The following SNAPC1 variants were observed in gnomAD, a reference collection of about 807,000 sequenced individuals.
The protein encoded by SNAPC1 is snRNA-activating protein complex subunit 1.
Under a neutral mutation model 50.1 loss-of-function variants are expected in SNAPC1, and 42 were observed. The observed-to-expected ratio is 0.84, with a 90% CI of 0.65 to 1.08. SNAPC1 has a LOEUF of 1.08. SNAPC1 is among the 50% of genes least tolerant of loss of function. The pLI is 0.00. For synonymous variants in SNAPC1, 164 were observed against 144.2 expected (o/e 1.14, Z -0.98); for missense variants, 477 against 427.3 (o/e 1.12, Z -1.02).
chr14:61,787,743 A>T (rs547562685), intron 8 of SNAPC1, among the ~76,000 whole-genome samples: 1 of 152,366 alleles, frequency 6.6e-6, no homozygotes, highest in Non-Finnish European at 1.5e-5. Context: ...TTGTCTACCT[A>T]TTAAGCTAGA....
chr14:61,790,370 C>G (rs1020686844), intron 8 of SNAPC1, among the ~76,000 whole-genome samples: 1 of 152,164 alleles, frequency 6.6e-6, no homozygotes, highest in Non-Finnish European at 1.5e-5. Context: ...GAGTGTTGCT[C>G]TGTCACCCAG....
At chr14:61,794,078 A>G (rs2045171456) in intron 9 of SNAPC1, among the ~76,000 whole-genome samples, 1 of 152,050 alleles carries the variant, frequency 6.6e-6, no homozygotes, top group South Asian at 2.1e-4. Context: ...CAATTATTCG[A>G]GTGTTGGTTC....
intron 9 of SNAPC1, 63 bp from the exon 10 acceptor site, chr14:61,794,885 GT>G (rs910465455): frequency 8.8e-6 from 10 of 1,132,118 alleles, no homozygotes; most frequent in East Asian, 2.4e-5. Context: ...AGTGTCAGTT[GT>G]TTTTTTTGTT....
At position 61,795,063 on chromosome 14, in the gene SNAPC1, A is replaced by G. The variant is rs2045179243; in HGVS notation, c.*80A>G. ...GATATTTTGTGTATTGAACAGGAAG[A>G]CTGCCAGTATTAAAAAAATCCTTCT... On this transcript the variant is annotated 3_prime_UTR_variant, in exon 10 of 10. Coordinates refer to ENST00000216294, the MANE Select transcript of SNAPC1 (RefSeq NM_003082.4). 5.7e-6 allele frequency: 5 copies of G among 873,968 alleles called. No homozygotes were observed. The South Asian group carries it at 7.0e-5, about 12-fold the overall frequency. 54.1% of individuals were successfully genotyped at this position (873,968 alleles called of 1,614,324 possible). A position where few individuals can be genotyped will look rare whatever the true frequency, so the allele number is the denominator to read the frequency against.
At chr14:61,782,494 A>G in intron 8 of SNAPC1, 97 bp downstream of exon 8, 1 of 842,810 alleles carries the variant, frequency 1.2e-6, no homozygotes, top group South Asian at 2.2e-5. Flanking sequence ...AGGATTAGAT[A>G]CTTGTTTGAG....
chr14:61,767,469 C>CTT (rs372976345), intron 3 of SNAPC1, 117 bp downstream of exon 3: 120 of 453,310 alleles, frequency 2.6e-4, no homozygotes, highest in Middle Eastern at 6.5e-4. Context: ...AGACTTTTAG[C>CTT]TTTTTTTTTT....
At chr14:61,775,588 T>TGAAGCAATGGG (rs1315964051) in intron 4 of SNAPC1, among the ~76,000 whole-genome samples, 1 of 152,160 alleles carries the variant, frequency 6.6e-6, no homozygotes, top group Admixed American at 6.5e-5. Flanking sequence ...ATGTTATCGC[T>TGAAGCAATGGG]GAAGCAATGG....
intron 4 of SNAPC1, among the ~76,000 whole-genome samples, chr14:61,773,841 C>T (rs1330078197): frequency 2.7e-5 from 4 of 150,052 alleles, no homozygotes; most frequent in Admixed American, 6.7e-5. Context: ...CCGAGTAGCT[C>T]GGACAACAGG....
intron 8 of SNAPC1, among the ~76,000 whole-genome samples, chr14:61,787,398 T>TA (rs1247711497): frequency 7.2e-6 from 1 of 138,578 alleles, no homozygotes; most frequent in Non-Finnish European, 1.5e-5. Flanking sequence ...TTAAAATGTT[T>TA]TTTTTTTTTA....
chr14:61,794,898 G>GT (rs746063173), intron 9 of SNAPC1, 51 bp from the exon 10 acceptor site: 16,153 of 1,087,650 alleles, frequency 0.015, 1 homozygote, highest in Non-Finnish European at 0.016. Context: ...TTTTTTGTTT[G>GT]TTTTTTTTTT....
chr14:61,791,826 G>T (rs1340978835), intron 8 of SNAPC1, among the ~76,000 whole-genome samples: 1 of 152,026 alleles, frequency 6.6e-6, no homozygotes, highest in East Asian at 1.9e-4. Flanking sequence ...TCCAGCCTGG[G>T]CTACAGAGAG....
intron 3 of SNAPC1, among the ~76,000 whole-genome samples, chr14:61,768,158 T>A (rs2044962642): frequency 6.6e-6 from 1 of 152,384 alleles, no homozygotes; most frequent in East Asian, 1.9e-4. Context: ...GCCTTTGCTT[T>A]TTAAATGCAG....
At chr14:61,764,686 T>C (rs1019652468) in intron 1 of SNAPC1, among the ~76,000 whole-genome samples, 6 of 152,098 alleles carry the variant, frequency 3.9e-5, no homozygotes, top group African/African-American at 1.4e-4. Flanking sequence ...GGGGGAAAAA[T>C]GCATTTAAGG....
chr14:61,792,111 A>G (rs1329793438), intron 8 of SNAPC1, among the ~76,000 whole-genome samples: 1 of 151,868 alleles, frequency 6.6e-6, no homozygotes, highest in Non-Finnish European at 1.5e-5. Flanking sequence ...AAAAAAGAAA[A>G]AAAAAAAAAA....
rs534964690 is a variant in SNAPC1, at chr14:61,776,965, G to A, written c.693+712G>A. ...TTTTACCCTGGAAACCTAAAGGCTA[G>A]CCTTGTGAAATTTACTTTTGAAACT... On this transcript the variant is annotated intron_variant, in intron 5 of 9. Coordinates refer to ENST00000216294, the MANE Select transcript of SNAPC1 (RefSeq NM_003082.4). Among the ~76,000 whole-genome samples, 15 of 152,280 alleles carry A rather than the reference G, an allele frequency of 9.9e-5. No individual in the cohort carries two copies. In the East Asian group the frequency reaches 2.9e-3, roughly 29 times the overall value.
intron 7 of SNAPC1, among the ~76,000 whole-genome samples, 163 bp downstream of exon 7, chr14:61,779,073 G>A (rs570091957): frequency 2.8e-4 from 42 of 152,228 alleles, no homozygotes; most frequent in African/African-American, 1.0e-3. Context: ...TCCCACCCTT[G>A]TATTCCTAAC....
intron 8 of SNAPC1, among the ~76,000 whole-genome samples, chr14:61,790,358 T>G (rs1212949936): frequency 6.6e-6 from 1 of 152,144 alleles, no homozygotes; most frequent in Non-Finnish European, 1.5e-5. Flanking sequence ...TTTTTTGAGA[T>G]GGAGTGTTGC....
intron 9 of SNAPC1, 119 bp from the exon 10 acceptor site, chr14:61,794,830 T>C: frequency 1.4e-6 from 1 of 738,798 alleles, no homozygotes; most frequent in South Asian, 1.5e-5. Flanking sequence ...CAGTTAGACG[T>C]CTATGTAGTT....
chr14:61,789,091 T>A (rs1329582810), intron 8 of SNAPC1, among the ~76,000 whole-genome samples: 1 of 151,690 alleles, frequency 6.6e-6, no homozygotes, highest in Non-Finnish European at 1.5e-5. Flanking sequence ...ATTAGCTGGG[T>A]GTGGTGGCGG....
Sources: allele counts gnomAD v4.1 joint callset (sites outside exome capture counted in the v4.1 genomes callset), GRCh38; gene constraint gnomAD v4.1.1; transcripts MANE v1.5; gene names NCBI Gene and HGNC (gene_info 2026-07-23, HGNC 2026-07-21).